Variants in CPM observed in about 807,000 individuals in gnomAD.
The protein encoded by CPM is carboxypeptidase M.
A neutral mutation model predicts 46.4 loss-of-function variants in CPM; 35 were observed. The ratio of observed to expected loss-of-function variants is 0.75; its 90% CI spans 0.58 to 1.00. The LOEUF is 1.00. Ranked by LOEUF, CPM falls within the 50% of genes least tolerant of loss-of-function variation. CPM has a pLI of 0.00. For synonymous variants in CPM, 195 were observed against 195.3 expected, an observed-to-expected ratio of 1.00 and a Z score of 0.01; for missense variants, 422 against 530.4, an observed-to-expected ratio of 0.80 and a Z score of 2.01.
rs141374614 is a variant in CPM at position 68,878,565 on chromosome 12, G to A, written c.259-6609C>T. Among the ~76,000 whole-genome samples, 330 of 152,094 alleles carry A rather than the reference G, an allele frequency of 2.2e-3. 2 individuals carry two copies. Among genetic ancestry groups the A allele is most frequent in the African/African-American group, 7.3e-3 (302 of 41,480 alleles). ...TTTGACACCCTATGATTTCGTCTCC[G>A]ACCTGACCAATCACCACTCCCCACT... On this transcript the variant is annotated intron_variant, in intron 3 of 8. Transcript: ENST00000551568.
At chr12:68,930,882 A>G (rs547517619) in intron 2 of CPM, among the ~76,000 whole-genome samples, 27 of 152,204 alleles carry the variant, frequency 1.8e-4, no homozygotes, top group Non-Finnish European at 3.7e-4. Context: ...AATTAACAAC[A>G]TCCTCATCAT....
In CPM at chr12:68,902,506, T is replaced by C. The variant is rs555809503; in HGVS notation, c.161-16617A>G. Among the ~76,000 whole-genome samples the C allele has an allele frequency of 9.8e-5, 15 of 152,312 alleles. No homozygotes were observed. In the South Asian group the frequency reaches 3.1e-3, roughly 32 times the overall value. On this transcript the variant is annotated intron_variant, in intron 2 of 8. Transcript: ENST00000551568. The stretch of plus-strand genomic sequence containing the variant: ...TTAGAAATCTCTATTGGTTTCGGAC[T>C]TTTCCAGTGTTTCACTGAGATTTGG...
chr12:68,848,381 T>A (rs1399642684), downstream of CPM: 1 of 152,296 alleles, frequency 6.6e-6, no homozygotes, highest in African/African-American at 2.4e-5. Flanking sequence ...GCCAGGCTGG[T>A]CTCGAATTCC....
chr12:68,938,166 T>C (rs1888701433), upstream of CPM, among the ~76,000 whole-genome samples: 1 of 152,174 alleles, frequency 6.6e-6, no homozygotes, highest in African/African-American at 2.4e-5. Context: ...CAAACTTTTT[T>C]CTTTGAAAGT....
chr12:68,847,502 G>A (rs1187955177), downstream of CPM: 3 of 114,670 alleles, frequency 2.6e-5, no homozygotes, highest in East Asian at 7.6e-4. Flanking sequence ...AGCCCAGGCC[G>A]GATTGCAGTG....
At chr12:68,919,804 A>C (rs1417471164) in intron 2 of CPM, among the ~76,000 whole-genome samples, 1 of 152,244 alleles carries the variant, frequency 6.6e-6, no homozygotes, top group African/African-American at 2.4e-5. Flanking sequence ...CCCAAAGAGC[A>C]ATGGAAAAAA....
At chr12:68,938,658 G>A (rs1392794959) in intron 1 of CPM, among the ~76,000 whole-genome samples, 1 of 151,902 alleles carries the variant, frequency 6.6e-6, no homozygotes, top group Non-Finnish European at 1.5e-5. Context: ...CCTATAAAAT[G>A]TCAAATGTAT....
rs1347101036 is a variant in CPM at position 68,852,122 on chromosome 12, AAACAT to A, written c.*4310_*4314del. 1 of 152,256 alleles carries A rather than the reference AAACAT, an allele frequency of 6.6e-6. No homozygotes were observed. Among genetic ancestry groups the A allele is most frequent in the African/African-American group, 2.4e-5 (1 of 41,468 alleles). The allele number at this position is 152,256 out of a possible 1,614,324, so 9.4% of individuals were successfully genotyped here. ...CAAATGCAAATTTGCTTCTGGAACAAAACATAACATTGATTTCTTGGAAAGACTTT... is the reference window on the plus strand; with the variant it reads ...CAAATGCAAATTTGCTTCTGGAACAAAACATTGATTTCTTGGAAAGACTTT... On this transcript the variant is annotated 3_prime_UTR_variant, in exon 9 of 9. Coordinates refer to ENST00000551568, the MANE Select transcript of CPM (RefSeq NM_198320.5).
intron 1 of CPM, among the ~76,000 whole-genome samples, chr12:68,942,069 CA>C (rs1277870192): frequency 6.6e-6 from 1 of 152,172 alleles, no homozygotes; most frequent in African/African-American, 2.4e-5. Flanking sequence ...CTGTTTAAAA[CA>C]AGGACTCTGT....
chr12:68,929,426 A>T (rs73146686), intron 2 of CPM, among the ~76,000 whole-genome samples: 18,140 of 152,206 alleles, frequency 0.12, 1,110 homozygotes, highest in Non-Finnish European at 0.13. Context: ...GAACGAACGA[A>T]CTGATGAACA....
chr12:68,939,323 A>G (rs993213925), intron 1 of CPM, among the ~76,000 whole-genome samples: 12 of 147,880 alleles, frequency 8.1e-5, no homozygotes, highest in Non-Finnish European at 1.8e-4. Flanking sequence ...ACCTATATAC[A>G]TATTGTATTT....
intron 2 of CPM, among the ~76,000 whole-genome samples, chr12:68,922,147 T>G (rs1362823319): frequency 6.6e-6 from 1 of 152,140 alleles, no homozygotes; most frequent in East Asian, 1.9e-4. Flanking sequence ...GAAAAAGGCT[T>G]CCTGGAGGAA....
intron 1 of CPM, among the ~76,000 whole-genome samples, chr12:68,939,093 T>C (rs1308474417): frequency 5.5e-5 from 8 of 146,378 alleles, no homozygotes; most frequent in Non-Finnish European, 1.0e-4. Flanking sequence ...TACACATATG[T>C]ATCTATATAT....
In CPM at chr12:68,932,829, G is replaced by A. The variant is rs1888568139; in HGVS notation, c.9C>T (p.Phe3=). 1 of 1,614,086 alleles carries A rather than the reference G, an allele frequency of 6.2e-7. No homozygotes were observed. Among genetic ancestry groups the A allele is most frequent in the Non-Finnish European group, 8.5e-7 (1 of 1,179,984 alleles). MD[F]PCLWLGLLLP... ...GCAACAGCCCTAGCCAGAGGCACGG[G>A]AAGTCCATGTTCTAGAGATGAATAA... Residue 3 remains phenylalanine, a synonymous_variant, in exon 2 of 9, where the codon TTC becomes TTT. Transcript: ENST00000551568.
chr12:68,896,178 T>A (rs1565785692), intron 2 of CPM, among the ~76,000 whole-genome samples: 1 of 152,190 alleles, frequency 6.6e-6, no homozygotes, highest in Non-Finnish European at 1.5e-5. Flanking sequence ...GGATAGTCCT[T>A]AGCCCACCCC....
intron 2 of CPM, among the ~76,000 whole-genome samples, chr12:68,931,293 A>G (rs563301535): frequency 2.6e-5 from 4 of 152,316 alleles, no homozygotes; most frequent in South Asian, 4.1e-4. Flanking sequence ...CTCTCAATTG[A>G]CTCAAAAGTT....
At chr12:68,962,608 C>T (rs1889140901) in intron 1 of CPM, among the ~76,000 whole-genome samples, 2 of 152,220 alleles carry the variant, frequency 1.3e-5, no homozygotes, top group African/African-American at 4.8e-5. Context: ...CAGACTCCTC[C>T]TCTTGGCAAG....
intron 2 of CPM, among the ~76,000 whole-genome samples, chr12:68,886,668 G>A (rs1886446408): frequency 1.3e-5 from 2 of 152,034 alleles, no homozygotes; most frequent in African/African-American, 4.8e-5. Flanking sequence ...TTTAAAAAGA[G>A]TAACTCAGAA....
chr12:68,941,287 C>T (rs983558054), intron 1 of CPM, among the ~76,000 whole-genome samples: 1 of 151,734 alleles, frequency 6.6e-6, no homozygotes, highest in African/African-American at 2.4e-5. Flanking sequence ...GGAAGTCACC[C>T]CAAATAGTGT....
Sources: gnomAD v4.1 joint callset for allele counts (sites outside exome capture counted in the v4.1 genomes callset) on GRCh38, gnomAD v4.1.1 for gene constraint, MANE v1.5 for transcripts, NCBI Gene and HGNC (gene_info 2026-07-23, HGNC 2026-07-21) for gene names.